Variants in SHANK2 observed in about 807,000 individuals in gnomAD.
The protein encoded by SHANK2 is SH3 and multiple ankyrin repeat domains 2, also known as SH3 and multiple ankyrin repeat domains protein 2.
Under a neutral mutation model 133.7 loss-of-function variants are expected in SHANK2, and 43 were observed. The ratio of observed to expected loss-of-function variants is 0.32; its 90% CI spans 0.25 to 0.41. SHANK2 has a LOEUF of 0.41. SHANK2 is among the 10% of genes least tolerant of loss of function. SHANK2 has a pLI of 1.00. For missense variants in SHANK2, 1,994 were observed against 2,235.8 expected, an observed-to-expected ratio of 0.89 and a Z score of 2.18; for synonymous variants, 1,017 against 952.8, an observed-to-expected ratio of 1.07 and a Z score of -1.24.
chr11:70,471,982 C>T lies in SHANK2; in HGVS notation c.*887G>A, dbSNP rs2058602500. 1 of 152,570 alleles carries T rather than the reference C, an allele frequency of 6.6e-6. No individual in the cohort carries two copies. The highest frequency in any genetic ancestry group is 2.4e-5 in the African/African-American group (1 of 41,474). The allele number at this position is 152,570 out of a possible 1,614,324, so 9.5% of individuals were successfully genotyped here. A position where few individuals can be genotyped will look rare whatever the true frequency, so the allele number is the denominator to read the frequency against. ...AGGCAGAGAAGCCCTTATTCTCCATCCTGGATGGGTGCTCATGGCAGACAA... is the reference window on the plus strand; with the variant it reads ...AGGCAGAGAAGCCCTTATTCTCCATTCTGGATGGGTGCTCATGGCAGACAA... On this transcript the variant is annotated 3_prime_UTR_variant, in exon 26 of 26. Coordinates refer to ENST00000601538, the MANE Select transcript of SHANK2 (RefSeq NM_012309.5). The surrounding 1 kb of genome is among the most constrained non-coding windows in gnomAD (Gnocchi z 4.1).
chr11:70,894,699 C>T (rs1949907457), intron 11 of SHANK2, among the ~76,000 whole-genome samples: 1 of 152,138 alleles, frequency 6.6e-6, no homozygotes, highest in Non-Finnish European at 1.5e-5. Flanking sequence ...TGGGGTAGCC[C>T]TTAGCTTGTT....
intron 1 of SHANK2, among the ~76,000 whole-genome samples, chr11:71,227,977 CTT>C (rs1954670459): frequency 6.6e-6 from 1 of 151,852 alleles, no homozygotes. Flanking sequence ...TAAGCTGACT[CTT>C]TGTAAAAGTC....
At chr11:70,866,070 G>C (rs1949352661) in intron 11 of SHANK2, among the ~76,000 whole-genome samples, 1 of 152,162 alleles carries the variant, frequency 6.6e-6, no homozygotes, top group South Asian at 2.1e-4. Flanking sequence ...CAGCATCTTG[G>C]TCACCAATTC....
At chr11:70,622,262 G>A (rs1268272974) in intron 17 of SHANK2, among the ~76,000 whole-genome samples, 2 of 152,078 alleles carry the variant, frequency 1.3e-5, no homozygotes, top group Non-Finnish European at 2.9e-5. Flanking sequence ...CTCAGCAAAG[G>A]GCCCCACAGC....
At chr11:70,923,917 C>T (rs1030939336) in intron 10 of SHANK2, among the ~76,000 whole-genome samples, 8 of 152,190 alleles carry the variant, frequency 5.3e-5, no homozygotes. Flanking sequence ...CAGCCAGTGA[C>T]ATCCAGCCTA....
chr11:70,766,790 T>C lies in SHANK2; in HGVS notation c.1777+31653A>G, dbSNP rs1336422815. ...CTCCATTTTGTCACTCTAATTTTAGTGGCAATGTTTTTGTTCCAATCAGCG... is the reference window on the plus strand; with the variant it reads ...CTCCATTTTGTCACTCTAATTTTAGCGGCAATGTTTTTGTTCCAATCAGCG... On this transcript the variant is annotated intron_variant, in intron 14 of 25. Transcript: ENST00000601538. Among the ~76,000 whole-genome samples, 3 of 152,242 alleles carry C rather than the reference T, an allele frequency of 2.0e-5. No individual in the cohort carries two copies. The East Asian group carries it at 5.8e-4, about 29-fold the overall frequency.
At chr11:70,924,373 TGA>T (rs1555081183) in intron 10 of SHANK2, among the ~76,000 whole-genome samples, 2 of 152,028 alleles carry the variant, frequency 1.3e-5, no homozygotes, top group East Asian at 3.9e-4. Context: ...GGCTCAGGTG[TGA>T]GAGTCAAACA....
intron 14 of SHANK2, among the ~76,000 whole-genome samples, chr11:70,720,119 C>A (rs547916228): frequency 6.6e-6 from 1 of 152,192 alleles, no homozygotes; most frequent in African/African-American, 2.4e-5. Flanking sequence ...GGAACCAGCT[C>A]CATGAGGGCA....
chr11:71,109,656 C>A (rs1002673229), intron 6 of SHANK2, among the ~76,000 whole-genome samples: 1 of 152,222 alleles, frequency 6.6e-6, no homozygotes, highest in African/African-American at 2.4e-5. Context: ...ACAACACATG[C>A]GTGTCATCTG....
At chr11:71,056,225 T>C (rs1186670611) in intron 10 of SHANK2, among the ~76,000 whole-genome samples, 1 of 152,210 alleles carries the variant, frequency 6.6e-6, no homozygotes, top group Non-Finnish European at 1.5e-5. Flanking sequence ...TTTCCGGCGC[T>C]GACTGCTGCA....
intron 15 of SHANK2, among the ~76,000 whole-genome samples, chr11:70,666,665 A>C (rs1944683454): frequency 6.6e-6 from 1 of 152,110 alleles, no homozygotes; most frequent in Admixed American, 6.5e-5. Flanking sequence ...ACTGCAATCC[A>C]GTTTCATGGG....
At chr11:70,712,689 C>T (rs1945816317) in intron 14 of SHANK2, among the ~76,000 whole-genome samples, 1 of 152,224 alleles carries the variant, frequency 6.6e-6, no homozygotes, top group Non-Finnish European at 1.5e-5. Context: ...TGGGCGTGGC[C>T]CTCACTCAGA....
chr11:70,853,023 TG>T (rs11358190), intron 11 of SHANK2, among the ~76,000 whole-genome samples: 4,918 of 152,276 alleles, frequency 0.032, 234 homozygotes, highest in African/African-American at 0.11. Context: ...AACCCTGCCC[TG>T]GGGAAGCAGA....
chr11:71,109,520 G>C (rs1387391181), intron 6 of SHANK2, among the ~76,000 whole-genome samples: 6 of 152,180 alleles, frequency 3.9e-5, no homozygotes, highest in Non-Finnish European at 8.8e-5. Context: ...TTCCAGCAGG[G>C]GAATAAGATG....
intron 10 of SHANK2, chr11:70,952,752 G>C (rs920453990): frequency 5.4e-5 from 13 of 239,034 alleles, no homozygotes; most frequent in African/African-American, 2.4e-4. Context: ...TCGTGTGTCC[G>C]GGGGGGCCTG....
intron 11 of SHANK2, among the ~76,000 whole-genome samples, chr11:70,836,392 A>G (rs190867971): frequency 8.5e-4 from 130 of 152,332 alleles, no homozygotes; most frequent in Non-Finnish European, 1.6e-3. Flanking sequence ...AAGTTGGAGA[A>G]AGGATAATAA....
At chr11:70,794,424 T>A (rs1947865389) in intron 14 of SHANK2, among the ~76,000 whole-genome samples, 1 of 152,012 alleles carries the variant, frequency 6.6e-6, no homozygotes, top group Non-Finnish European at 1.5e-5. Flanking sequence ...AGGCAAAATC[T>A]ATGGTGACAG....
chr11:70,582,417 C>A (rs1198359967), intron 17 of SHANK2, among the ~76,000 whole-genome samples: 1 of 152,262 alleles, frequency 6.6e-6, no homozygotes, highest in African/African-American at 2.4e-5. Flanking sequence ...CTCTGCTAGG[C>A]CTGCTCGGCA....
intron 11 of SHANK2, among the ~76,000 whole-genome samples, chr11:70,831,514 C>T (rs1555058429): frequency 6.6e-6 from 1 of 152,210 alleles, no homozygotes; most frequent in Non-Finnish European, 1.5e-5. Context: ...GCCTCCCTCC[C>T]TGCAGCCCCT....
Sources: allele counts gnomAD v4.1 joint callset (sites outside exome capture counted in the v4.1 genomes callset), GRCh38; gene constraint gnomAD v4.1.1; non-coding constraint Gnocchi (gnomAD v3.1); transcripts MANE v1.5; gene names NCBI Gene and HGNC (gene_info 2026-07-23, HGNC 2026-07-21).